The following KITLG variants were observed in gnomAD, a reference collection of about 807,000 sequenced individuals.
The protein encoded by KITLG is c-Kit ligand.
In KITLG, 13 loss-of-function variants were observed where a neutral mutation model predicts 34.1. That is an observed-to-expected ratio of 0.38 (90% confidence interval 0.25 to 0.61). KITLG has a LOEUF of 0.61. Among genes scored for constraint, KITLG ranks in the 20% least tolerant of loss-of-function variants. The pLI, the probability that KITLG is intolerant of heterozygous loss-of-function variation, is 0.60. For synonymous variants in KITLG, 110 were observed against 104.0 expected, an observed-to-expected ratio of 1.06 and a Z score of -0.35; for missense variants, 292 against 318.9, an observed-to-expected ratio of 0.92 and a Z score of 0.64.
At chr12:88,562,105 G>A (rs1000771547) in intron 1 of KITLG, among the ~76,000 whole-genome samples, 24 of 152,078 alleles carry the variant, frequency 1.6e-4, no homozygotes, top group Admixed American at 1.6e-3. Flanking sequence ...ATTCTTATCC[G>A]TCATTCTTAC....
At chr12:88,550,217 G>A (rs1400003061) in intron 1 of KITLG, among the ~76,000 whole-genome samples, 1 of 152,146 alleles carries the variant, frequency 6.6e-6, no homozygotes, top group Non-Finnish European at 1.5e-5. Flanking sequence ...AACCAAGATG[G>A]GGAAGTAGCT....
At chr12:88,565,845 G>A (rs557791987) in intron 1 of KITLG, among the ~76,000 whole-genome samples, 2 of 152,246 alleles carry the variant, frequency 1.3e-5, no homozygotes, top group South Asian at 2.1e-4. Flanking sequence ...AGAATCAGGA[G>A]ACATAAAGTA....
At chr12:88,511,717 G>A (rs1208363943) in intron 6 of KITLG, among the ~76,000 whole-genome samples, 1 of 152,106 alleles carries the variant, frequency 6.6e-6, no homozygotes, top group African/African-American at 2.4e-5. Context: ...TATAATCTTA[G>A]TAGAGGCCCT....
chr12:88,495,287 C>A lies in KITLG; in HGVS notation c.*1932G>T, dbSNP rs1868592426. On this transcript the variant is annotated 3_prime_UTR_variant, in exon 10 of 10. Coordinates refer to ENST00000644744, the MANE Select transcript of KITLG (RefSeq NM_000899.5). ...ATCAAACTACTAGATTGAGAAGTAT[C>A]TATCTTCTCAATCTATACACAACCT... 1 of 151,968 alleles carries A rather than the reference C, an allele frequency of 6.6e-6. No homozygotes were observed. Among genetic ancestry groups the A allele is most frequent in the Non-Finnish European group, 1.5e-5 (1 of 67,942 alleles). 9.4% of individuals were successfully genotyped at this position (151,968 alleles called of 1,614,324 possible).
rs192008590 is a variant in KITLG at position 88,575,902 on chromosome 12, T to C, written c.15+4362A>G. On this transcript the variant is annotated intron_variant, in intron 1 of 9. Coordinates refer to ENST00000644744, the MANE Select transcript of KITLG (RefSeq NM_000899.5). ...AATCCAGAAAAGAAAAATAAAAGTCTCAAACTAGCATAATGAAAAAAAAAT... is the reference window on the plus strand; with the variant it reads ...AATCCAGAAAAGAAAAATAAAAGTCCCAAACTAGCATAATGAAAAAAAAAT... 3.5e-3 allele frequency among the ~76,000 whole-genome samples: 528 copies of C among 151,750 alleles called. 1 individual carries two copies. The highest frequency in any genetic ancestry group is 0.01 in the Middle Eastern group (3 of 294).
At chr12:88,520,875 C>G (rs988303691) in intron 3 of KITLG, among the ~76,000 whole-genome samples, 4 of 152,134 alleles carry the variant, frequency 2.6e-5, no homozygotes, top group African/African-American at 9.6e-5. Flanking sequence ...AATCAACAGT[C>G]TAAACAATCA....
chr12:88,567,870 G>T (rs939500420), intron 1 of KITLG, among the ~76,000 whole-genome samples: 1 of 152,136 alleles, frequency 6.6e-6, no homozygotes, highest in Non-Finnish European at 1.5e-5. Flanking sequence ...AGAATCAAGT[G>T]ACTCAAAGTC....
intron 1 of KITLG, among the ~76,000 whole-genome samples, chr12:88,562,375 T>C (rs532644863): frequency 2.6e-5 from 4 of 152,318 alleles, no homozygotes; most frequent in Admixed American, 6.5e-5. Context: ...ATTTACACAA[T>C]AGAATTGCAA....
At chr12:88,565,516 T>G (rs959755689) in intron 1 of KITLG, among the ~76,000 whole-genome samples, 4 of 152,056 alleles carry the variant, frequency 2.6e-5, no homozygotes, top group Non-Finnish European at 5.9e-5. Flanking sequence ...TCCCAGCTAC[T>G]CAGGAGGCTG....
At chr12:88,529,619 T>C (rs1284912472) in intron 3 of KITLG, among the ~76,000 whole-genome samples, 3 of 152,164 alleles carry the variant, frequency 2.0e-5, no homozygotes, top group African/African-American at 7.2e-5. Flanking sequence ...CCAGTGCCCA[T>C]GGGCAGAATT....
chr12:88,550,246 AAG>A (rs753970299), intron 1 of KITLG, among the ~76,000 whole-genome samples: 1 of 152,188 alleles, frequency 6.6e-6, no homozygotes, highest in Non-Finnish European at 1.5e-5. Context: ...ATTGGGGGTG[AAG>A]AGAGTTTTAT....
chr12:88,511,159 G>A (rs747592241), intron 6 of KITLG, among the ~76,000 whole-genome samples: 5 of 152,156 alleles, frequency 3.3e-5, no homozygotes, highest in Non-Finnish European at 7.3e-5. Context: ...TCAGAGGCAC[G>A]GGATTGAATA....
At chr12:88,576,543 A>G (rs536597803) in intron 1 of KITLG, among the ~76,000 whole-genome samples, 9 of 152,192 alleles carry the variant, frequency 5.9e-5, no homozygotes, top group Admixed American at 2.6e-4. Context: ...TAAAACCACC[A>G]TGCGAGAAAA....
At chr12:88,567,731 C>T (rs534032211) in intron 1 of KITLG, among the ~76,000 whole-genome samples, 6 of 152,230 alleles carry the variant, frequency 3.9e-5, no homozygotes, top group East Asian at 3.9e-4. Flanking sequence ...TAACATTTAC[C>T]GAGGTTTTCT....
chr12:88,527,372 G>A (rs149761539), intron 3 of KITLG, among the ~76,000 whole-genome samples: 1 of 152,284 alleles, frequency 6.6e-6, no homozygotes, highest in Non-Finnish European at 1.5e-5. Context: ...GAGCCCAGAG[G>A]TAAGTAACAG....
intron 9 of KITLG, among the ~76,000 whole-genome samples, chr12:88,501,208 A>C (rs760253441): frequency 1.1e-4 from 17 of 152,126 alleles, no homozygotes; most frequent in Non-Finnish European, 2.1e-4. Context: ...TTATTTCCTT[A>C]AGAGAACTAG....
At chr12:88,505,295 A>T in intron 8 of KITLG, 60 bp from the exon 9 acceptor site, 1 of 1,343,222 alleles carries the variant, frequency 7.4e-7, no homozygotes, top group South Asian at 1.2e-5. Flanking sequence ...GAGGTACACC[A>T]TGATCTCGGC....
At position 88,506,883 on chromosome 12, in the gene KITLG, G is replaced by A; in HGVS notation, c.714+145C>T. On this transcript the variant is annotated intron_variant, in intron 7 of 9. Transcript: ENST00000644744. ...TGTCTCCAGACATAATGAGAAACAG[G>A]AAACTTTATAAAATTTAAATTTTGT... The A allele has an allele frequency of 1.1e-5, 7 of 619,796 alleles. No homozygotes were observed. The South Asian group carries it at 1.4e-4, about 12-fold the overall frequency. The allele number at this position is 619,796 out of a possible 1,614,324, so 38.4% of individuals were successfully genotyped here.
rs947383360 is a variant in KITLG, at chr12:88,495,731, C to T, written c.*1488G>A. The T allele has an allele frequency of 4.6e-5, 7 of 152,264 alleles. No homozygotes were observed. The highest frequency in any genetic ancestry group is 1.7e-4 in the African/African-American group (7 of 41,408). 9.4% of individuals were successfully genotyped at this position (152,264 alleles called of 1,614,324 possible). A position where few individuals can be genotyped will look rare whatever the true frequency, so the allele number is the denominator to read the frequency against. ...TTTGTGTCACTACATTGAAAACTGTCATCTTACGGTTGTAGAACATGGCAA... is the reference window on the plus strand; with the variant it reads ...TTTGTGTCACTACATTGAAAACTGTTATCTTACGGTTGTAGAACATGGCAA... On this transcript the variant is annotated 3_prime_UTR_variant, in exon 10 of 10. Coordinates refer to ENST00000644744, the MANE Select transcript of KITLG (RefSeq NM_000899.5).
Sources: gnomAD v4.1 joint callset for allele counts (sites outside exome capture counted in the v4.1 genomes callset) on GRCh38, gnomAD v4.1.1 for gene constraint, MANE v1.5 for transcripts, NCBI Gene and HGNC (gene_info 2026-07-23, HGNC 2026-07-21) for gene names.